MGRN1: variants seen among roughly 807,000 people sequenced by gnomAD.
MGRN1 encodes the protein mahogunin ring finger 1, also known as E3 ubiquitin-protein ligase MGRN1.
A neutral mutation model predicts 69.2 loss-of-function variants in MGRN1; 29 were observed. That is an observed-to-expected ratio of 0.42 (90% CI 0.31 to 0.57). The LOEUF is 0.57. MGRN1 is among the 20% of genes least tolerant of loss of function. The probability of loss-of-function intolerance (pLI) is 0.15; values close to 1 mark genes in which losing one functional copy is unlikely to be tolerated. For missense variants in MGRN1, 998 were observed against 796.2 expected (o/e 1.25, Z -3.05); for synonymous variants, 470 against 344.2 (o/e 1.37, Z -4.04).
chr16:4,625,070 C>T (rs1271111210), intron 1 of MGRN1, 22 bp downstream of exon 1: 3 of 1,523,308 alleles, frequency 2.0e-6, no homozygotes, highest in Admixed American at 2.1e-5. Flanking sequence ...GCCCCAGGCG[C>T]GGACTGCTAG....
chr16:4,670,667 C>G (rs930913215), intron 8 of MGRN1, among the ~76,000 whole-genome samples: 2 of 152,204 alleles, frequency 1.3e-5, no homozygotes, highest in Non-Finnish European at 2.9e-5. Flanking sequence ...CCAGCCTGGG[C>G]AATGTAGCGA....
chr16:4,628,563 G>T (rs1204149226), intron 1 of MGRN1, among the ~76,000 whole-genome samples: 1 of 151,316 alleles, frequency 6.6e-6, no homozygotes, highest in African/African-American at 2.4e-5. Flanking sequence ...TTTTTTCTTT[G>T]AGATGGAGTG....
At position 4,650,492 on chromosome 16, in the gene MGRN1, G is replaced by A; in HGVS notation, c.207+9G>A. The A allele has an allele frequency of 6.3e-7, 1 of 1,599,236 alleles. No homozygotes were observed. Among genetic ancestry groups the A allele is most frequent in the Non-Finnish European group, 8.5e-7 (1 of 1,172,396 alleles). On this transcript the variant is annotated intron_variant, in intron 2 of 16. Coordinates refer to ENST00000262370, the MANE Select transcript of MGRN1 (RefSeq NM_015246.4). Reference sequence around the variant, plus strand: ...GCAGCCGCCCGGTCCAGGTGGGTCTGGACAGGGCTGTCTCATGGGGCTGTG... The same window carrying A: ...GCAGCCGCCCGGTCCAGGTGGGTCTAGACAGGGCTGTCTCATGGGGCTGTG...
At chr16:4,644,467 C>T (rs1043880280) in intron 1 of MGRN1, among the ~76,000 whole-genome samples, 1 of 151,846 alleles carries the variant, frequency 6.6e-6, no homozygotes, top group Admixed American at 6.6e-5. Context: ...CACACCACCA[C>T]GCCTGGGTAA....
At chr16:4,632,075 C>T (rs1178118894) in intron 1 of MGRN1, among the ~76,000 whole-genome samples, 32 of 127,112 alleles carry the variant, frequency 2.5e-4, no homozygotes, top group East Asian at 1.8e-3. Flanking sequence ...AGGGCAATGG[C>T]GCAATCTTGA....
chr16:4,633,683 C>A (rs1898125070), intron 1 of MGRN1: 4 of 151,912 alleles, frequency 2.6e-5, no homozygotes, highest in African/African-American at 9.7e-5. Flanking sequence ...TAGAGCAAAA[C>A]TCTGTCTCAA....
chr16:4,628,122 C>T (rs1897788506), intron 1 of MGRN1, among the ~76,000 whole-genome samples: 1 of 148,562 alleles, frequency 6.7e-6, no homozygotes, highest in Admixed American at 6.7e-5. Context: ...TGCGGTGGCT[C>T]ACGCCTGTAA....
At chr16:4,654,256 T>G (rs142184007) in intron 4 of MGRN1, among the ~76,000 whole-genome samples, 28 of 152,286 alleles carry the variant, frequency 1.8e-4, no homozygotes, top group African/African-American at 6.5e-4. Flanking sequence ...GAACAAATAT[T>G]AGAACAAAAG....
chr16:4,681,111 C>T (rs906252148), intron 12 of MGRN1, among the ~76,000 whole-genome samples: 1 of 152,240 alleles, frequency 6.6e-6, no homozygotes, highest in African/African-American at 2.4e-5. Context: ...GAGGCCCGGG[C>T]AGGGCACAGC....
intron 5 of MGRN1, among the ~76,000 whole-genome samples, chr16:4,663,109 G>T (rs1391605439): frequency 6.6e-6 from 1 of 152,192 alleles, no homozygotes; most frequent in Non-Finnish European, 1.5e-5. Context: ...TGTCGCCCAG[G>T]CTGGAGTGCA....
At chr16:4,643,647 C>T (rs139849385) in intron 1 of MGRN1, among the ~76,000 whole-genome samples, 3,170 of 152,248 alleles carry the variant, frequency 0.021, 53 homozygotes, top group South Asian at 0.041. Flanking sequence ...GCTGGGATTA[C>T]ACGCGTGAGT....
intron 5 of MGRN1, among the ~76,000 whole-genome samples, chr16:4,658,525 G>A (rs2078604760): frequency 7.2e-6 from 1 of 138,554 alleles, no homozygotes; most frequent in Non-Finnish European, 1.6e-5. Flanking sequence ...GACAGAGTGA[G>A]ATTCCGTCTC....
chr16:4,633,784 C>A (rs578158225), intron 1 of MGRN1: 2 of 152,102 alleles, frequency 1.3e-5, no homozygotes, highest in South Asian at 4.2e-4. Flanking sequence ...GTGGTGCTAT[C>A]TCGGCTCACT....
chr16:4,688,232 A>G (rs2079377884), intron 16 of MGRN1: 1 of 985,718 alleles, frequency 1.0e-6, no homozygotes, highest in Non-Finnish European at 1.2e-6. Context: ...CCCAAGCCCC[A>G]GGGACGCCAG....
intron 1 of MGRN1, among the ~76,000 whole-genome samples, chr16:4,628,584 G>C (rs548775579): frequency 1.3e-5 from 2 of 151,970 alleles, no homozygotes; most frequent in African/African-American, 4.8e-5. Flanking sequence ...TTGCTCTGTC[G>C]CCCAGGTTGC....
chr16:4,637,981 G>A (rs1258772722), intron 1 of MGRN1, among the ~76,000 whole-genome samples: 1 of 152,190 alleles, frequency 6.6e-6, no homozygotes, highest in Admixed American at 6.5e-5. Context: ...AGTCAGAGTT[G>A]TTCTCAGCTT....
chr16:4,686,349 T>A, intron 16 of MGRN1: 1 of 1,536,468 alleles, frequency 6.5e-7, no homozygotes, highest in East Asian at 2.5e-5. Context: ...ACGCGCGTCC[T>A]TGGAGAGAGG....
intron 2 of MGRN1, among the ~76,000 whole-genome samples, chr16:4,651,545 C>A (rs566041097): frequency 6.6e-6 from 1 of 151,870 alleles, no homozygotes; most frequent in African/African-American, 2.4e-5. Flanking sequence ...GACAGGAGGC[C>A]GGAAGAGCCA....
intron 1 of MGRN1, chr16:4,634,960 A>G (rs1052447250): frequency 1.3e-5 from 2 of 152,184 alleles, no homozygotes; most frequent in Non-Finnish European, 2.9e-5. Context: ...GCTTTCTTCT[A>G]ACAGGGCTCT....
Sources: gnomAD v4.1 joint callset for allele counts (sites outside exome capture counted in the v4.1 genomes callset) on GRCh38, gnomAD v4.1.1 for gene constraint, MANE v1.5 for transcripts, NCBI Gene and HGNC (gene_info 2026-07-23, HGNC 2026-07-21) for gene names.